Variants in TBC1D14 observed in about 807,000 individuals in gnomAD.
The protein encoded by TBC1D14 is TBC1 domain family, member 14.
Under a neutral mutation model 79.0 loss-of-function variants are expected in TBC1D14, and 26 were observed. The observed-to-expected ratio is 0.33, with a 90% CI of 0.24 to 0.46. TBC1D14 has a LOEUF of 0.46. Among genes scored for constraint, TBC1D14 ranks in the 20% least tolerant of loss-of-function variants. TBC1D14 has a pLI of 1.00. For synonymous variants in TBC1D14, 394 were observed against 349.9 expected, an observed-to-expected ratio of 1.13 and a Z score of -1.40; for missense variants, 769 against 887.6, an observed-to-expected ratio of 0.87 and a Z score of 1.70.
intron 2 of TBC1D14, among the ~76,000 whole-genome samples, chr4:6,955,360 G>T (rs548792810): frequency 6.6e-6 from 1 of 152,194 alleles, no homozygotes; most frequent in Admixed American, 6.5e-5. Context: ...TCTTAGCCTC[G>T]CTGGGCCTCG....
chr4:6,996,728 CG>C (rs1719087523), intron 5 of TBC1D14, among the ~76,000 whole-genome samples: 1 of 152,142 alleles, frequency 6.6e-6, no homozygotes, highest in Admixed American at 6.5e-5. Context: ...CTGTCCCGGG[CG>C]GGCTGTAAAG....
At chr4:6,914,760 C>T (rs553633240) in intron 1 of TBC1D14, among the ~76,000 whole-genome samples, 18 of 152,316 alleles carry the variant, frequency 1.2e-4, no homozygotes, top group Admixed American at 9.8e-4. Context: ...GAGAAAGAGG[C>T]TGGGCTCAAT....
At chr4:6,955,559 G>A (rs1487454631) in intron 2 of TBC1D14, among the ~76,000 whole-genome samples, 3 of 152,214 alleles carry the variant, frequency 2.0e-5, no homozygotes, top group Admixed American at 1.3e-4. Flanking sequence ...CATGGGAGCC[G>A]AGTGCTGCAT....
At chr4:6,916,190 G>C (rs1166535913) in intron 1 of TBC1D14, among the ~76,000 whole-genome samples, 1 of 152,104 alleles carries the variant, frequency 6.6e-6, no homozygotes, top group Non-Finnish European at 1.5e-5. Flanking sequence ...TTGATGGCAG[G>C]CTTGGCAGTG....
chr4:6,920,771 C>T (rs1322181760), intron 1 of TBC1D14, among the ~76,000 whole-genome samples: 3 of 152,126 alleles, frequency 2.0e-5, no homozygotes, highest in African/African-American at 4.8e-5. Flanking sequence ...GATTTGAATG[C>T]ACCACCTGAT....
At chr4:6,943,522 C>T (rs1713117554) in intron 2 of TBC1D14, among the ~76,000 whole-genome samples, 1 of 152,226 alleles carries the variant, frequency 6.6e-6, no homozygotes, top group Admixed American at 6.5e-5. Context: ...GGTGCCAGTG[C>T]TCAGAGCCAG....
At chr4:6,916,348 G>A (rs552127414) in intron 1 of TBC1D14, among the ~76,000 whole-genome samples, 74 of 150,922 alleles carry the variant, frequency 4.9e-4, no homozygotes, top group South Asian at 2.3e-3. Flanking sequence ...AGAGGCTTCC[G>A]GTGGATATCT....
At chr4:6,979,097 C>G (rs1717120503) in intron 3 of TBC1D14, among the ~76,000 whole-genome samples, 1 of 151,798 alleles carries the variant, frequency 6.6e-6, no homozygotes, top group African/African-American at 2.4e-5. Flanking sequence ...AGACCAACCA[C>G]TAAACTATAC....
At chr4:6,995,204 T>C (rs1232930454) in intron 4 of TBC1D14, 3 of 152,224 alleles carry the variant, frequency 2.0e-5, no homozygotes, top group Non-Finnish European at 4.4e-5. Context: ...TTTGAAGGTA[T>C]ACCAAGATGC....
intron 3 of TBC1D14, among the ~76,000 whole-genome samples, chr4:6,981,022 CT>C (rs761834899): frequency 2.4e-3 from 307 of 128,102 alleles, no homozygotes; most frequent in Admixed American, 3.7e-3. Context: ...GCCTCTGTCT[CT>C]TTTTTTTTTT....
Position 6,988,885 on chromosome 4 carries a change from C to CTTTTTTTTTTTTTTTTT in TBC1D14, c.844-5292_844-5276dup, listed in dbSNP as rs34268749. 7.2e-4 allele frequency among the ~76,000 whole-genome samples: 55 copies of CTTTTTTTTTTTTTTTTT among 76,804 alleles called. 1 individual carries two copies. The highest frequency in any genetic ancestry group is 9.9e-4 in the Non-Finnish European group (43 of 43,336). 50.4% of individuals were successfully genotyped at this position (76,804 alleles called of 152,430 possible). On this transcript the variant is annotated intron_variant, in intron 3 of 13. Coordinates refer to ENST00000409757, the MANE Select transcript of TBC1D14 (RefSeq NM_020773.3). ...TTCTTTTTTCTTTCTTTCTTTCTTT[C>CTTTTTTTTTTTTTTTTT]TTTTTTTTTTTTTTTTTTTTTTTGA...
chr4:6,986,655 G>T (rs889800208), intron 3 of TBC1D14, among the ~76,000 whole-genome samples: 3 of 152,160 alleles, frequency 2.0e-5, no homozygotes, highest in Non-Finnish European at 4.4e-5. Context: ...CTGACCAGAA[G>T]TAATTTTGAC....
intron 2 of TBC1D14, among the ~76,000 whole-genome samples, chr4:6,953,030 T>C (rs1365879319): frequency 1.4e-5 from 2 of 143,356 alleles, no homozygotes; most frequent in Non-Finnish European, 3.1e-5. Flanking sequence ...TTTCTTTTTT[T>C]TTTTTTTTTT....
chr4:6,967,135 G>T (rs997973501), intron 2 of TBC1D14, among the ~76,000 whole-genome samples, 169 bp from the exon 3 acceptor site: 1 of 152,188 alleles, frequency 6.6e-6, no homozygotes, highest in African/African-American at 2.4e-5. Context: ...CTGGCTTAAG[G>T]TCTTTCTCCT....
chr4:6,926,549 C>G (rs573681308), intron 2 of TBC1D14, among the ~76,000 whole-genome samples: 1 of 152,140 alleles, frequency 6.6e-6, no homozygotes, highest in Non-Finnish European at 1.5e-5. Context: ...TTGTGAGCCT[C>G]TCTGAACTAC....
intron 11 of TBC1D14, 66 bp from the exon 12 acceptor site, chr4:7,014,382 T>G (rs1293791746): frequency 2.5e-5 from 26 of 1,031,568 alleles, no homozygotes; most frequent in Admixed American, 4.0e-5. Flanking sequence ...ATACATATAT[T>G]GACTTTTTTG....
At chr4:6,986,588 A>G (rs1357310030) in intron 3 of TBC1D14, among the ~76,000 whole-genome samples, 1 of 152,186 alleles carries the variant, frequency 6.6e-6, no homozygotes, top group East Asian at 1.9e-4. Context: ...CCGTCACGGG[A>G]GAGCCTCGTG....
At chr4:6,954,158 C>A (rs1577079490) in intron 2 of TBC1D14, 3 of 632,326 alleles carry the variant, frequency 4.7e-6, no homozygotes, top group East Asian at 5.5e-5. Context: ...AGCTTGCCTT[C>A]ATCTGGCAGA....
rs77933910 is a variant in TBC1D14, at chr4:6,988,665, G to A, written c.844-5519G>A. On this transcript the variant is annotated intron_variant, in intron 3 of 13. Transcript: ENST00000409757. Reference sequence around the variant, plus strand: ...CTTGATACTGCAGACAGCGGGGTCGGAGATTTAAGCACAGGATTTGACTGA... The same window carrying A: ...CTTGATACTGCAGACAGCGGGGTCGAAGATTTAAGCACAGGATTTGACTGA... Among the ~76,000 whole-genome samples, 21 of 152,332 alleles carry A rather than the reference G, an allele frequency of 1.4e-4. No individual in the cohort carries two copies. In the East Asian group the frequency reaches 2.9e-3, roughly 21 times the overall value.
Sources: allele counts gnomAD v4.1 joint callset (sites outside exome capture counted in the v4.1 genomes callset), GRCh38; gene constraint gnomAD v4.1.1; transcripts MANE v1.5; gene names NCBI Gene and HGNC (gene_info 2026-07-23, HGNC 2026-07-21).